ZFYVE27: variants seen among roughly 807,000 people sequenced by gnomAD.
ZFYVE27 encodes zinc finger FYVE-type containing 27.
In ZFYVE27, 36 loss-of-function variants were observed where a neutral mutation model predicts 52.8. The ratio of observed to expected loss-of-function variants is 0.68; its 90% CI spans 0.52 to 0.90. ZFYVE27 has a LOEUF of 0.90. Among genes scored for constraint, ZFYVE27 ranks in the 40% least tolerant of loss-of-function variants. The pLI is 0.00. For missense variants in ZFYVE27, 450 were observed against 527.2 expected (o/e 0.85, Z 1.43); for synonymous variants, 223 against 215.6 (o/e 1.03, Z -0.30).
Position 97,753,194 on chromosome 10 carries a change from G to T in ZFYVE27, c.1042+12G>T. The T allele has an allele frequency of 6.2e-7, 1 of 1,609,006 alleles. No homozygotes were observed. On this transcript the variant is annotated intron_variant, in intron 10 of 12. Coordinates refer to ENST00000684270, the MANE Select transcript of ZFYVE27 (RefSeq NM_001385875.1). The stretch of plus-strand genomic sequence containing the variant: ...CACCAACAACTTCGGTGCGGCCAGG[G>T]GACAGGGCTGGGCTGGTGGGGGAGT...
At chr10:97,757,107 T>C (rs938264528) in intron 10 of ZFYVE27, 158 bp from the exon 11 acceptor site, 48 of 921,508 alleles carry the variant, frequency 5.2e-5, no homozygotes, top group Non-Finnish European at 6.6e-5. Context: ...TTTGAGTCCT[T>C]CTTTCTGTCT....
At chr10:97,741,164 G>T (rs908249810) in intron 2 of ZFYVE27, among the ~76,000 whole-genome samples, 1 of 152,124 alleles carries the variant, frequency 6.6e-6, no homozygotes, top group African/African-American at 2.4e-5. Context: ...ACTGTTGGTG[G>T]CAGTGTACAT....
rs991968711 is a variant in ZFYVE27, at chr10:97,750,420, G to T, written c.754G>T (p.Gly252Trp). The T allele has an allele frequency of 6.2e-7, 1 of 1,614,098 alleles. No individual in the cohort carries two copies. The highest frequency in any genetic ancestry group is 8.5e-7 in the Non-Finnish European group (1 of 1,180,008). The change falls in exon 7 of 13, where the codon GGG (glycine) becomes TGG (tryptophan). Residue 252 changes from glycine (G) to tryptophan (W), a missense_variant. Physicochemically the swap from Gly to Trp is radical, Grantham distance 184 (BLOSUM62 -2). Transcript: ENST00000684270. ...AFESPPPPDV[G>W]GKDGLMDSTP... is the part of the protein sequence containing the mutation. Reference sequence around the variant, plus strand: ...TGAGAGTCCTCCACCACCAGATGTTGGGGGGAAGGATGGTCTGATGGACAG... The same window carrying T: ...TGAGAGTCCTCCACCACCAGATGTTTGGGGGAAGGATGGTCTGATGGACAG...
In ZFYVE27 at chr10:97,757,302, G is replaced by A. The variant is rs1001019050; in HGVS notation, c.1080G>A (p.Leu360=). The change falls in exon 11 of 13, where the codon CTG becomes CTA. Residue 360 remains leucine, a synonymous_variant. Transcript: ENST00000684270. ...GCTGCTCGGCCACCTTCTCAGTGCT[G>A]AAGAAGAGGGTGAGTGTCTGTGAGG... The part of the protein sequence containing the change: ...CTGCSATFSV[L]KKRRSCSNCG... The A allele has an allele frequency of 6.2e-7, 1 of 1,614,182 alleles. No individual in the cohort carries two copies. The highest frequency in any genetic ancestry group is 8.5e-7 in the Non-Finnish European group (1 of 1,180,028).
intron 12 of ZFYVE27, among the ~76,000 whole-genome samples, 162 bp from the exon 13 acceptor site, chr10:97,759,074 A>G (rs2049121235): frequency 6.6e-6 from 1 of 150,642 alleles, no homozygotes; most frequent in Non-Finnish European, 1.5e-5. Context: ...CCCAGTTCCC[A>G]TGGAAAGAAG....
chr10:97,752,473 C>A (rs2047240105), intron 8 of ZFYVE27, among the ~76,000 whole-genome samples: 1 of 152,142 alleles, frequency 6.6e-6, no homozygotes, highest in African/African-American at 2.4e-5. Flanking sequence ...TTGTTCATGA[C>A]CCATAGTAAG....
chr10:97,744,799 C>T lies in ZFYVE27; in HGVS notation c.339C>T (p.Cys113=). The T allele has an allele frequency of 6.2e-7, 1 of 1,613,980 alleles. No individual in the cohort carries two copies. The highest frequency in any genetic ancestry group is 8.5e-7 in the Non-Finnish European group (1 of 1,180,004). ...PALLGYLQEV[C]RARLPDSELM... is the part of the protein sequence containing the mutation. ...TGCTGGGCTACCTTCAGGAGGTTTGCCGGGCACGGCTGCCTGATTCCGAGC... is the reference window on the plus strand; with the variant it reads ...TGCTGGGCTACCTTCAGGAGGTTTGTCGGGCACGGCTGCCTGATTCCGAGC... Residue 113 remains cysteine, a synonymous_variant, in exon 4 of 13, where the codon TGC becomes TGT. Coordinates refer to ENST00000684270, the MANE Select transcript of ZFYVE27 (RefSeq NM_001385875.1).
At chr10:97,751,341 G>C in intron 7 of ZFYVE27, 50 bp from the exon 8 acceptor site, 1 of 1,602,322 alleles carries the variant, frequency 6.2e-7, no homozygotes, top group South Asian at 1.1e-5. Flanking sequence ...TCTGCCTTAG[G>C]GAGCAGCGCT....
At chr10:97,757,615 A>G in intron 11 of ZFYVE27, 27 bp from the exon 12 acceptor site, 1 of 1,612,186 alleles carries the variant, frequency 6.2e-7, no homozygotes, top group Non-Finnish European at 8.5e-7. Flanking sequence ...GGTGAGGGAC[A>G]CATCTGACCT....
At chr10:97,742,977 G>T in intron 2 of ZFYVE27, 117 bp from the exon 3 acceptor site, 1 of 1,139,424 alleles carries the variant, frequency 8.8e-7, no homozygotes, top group South Asian at 1.2e-5. Flanking sequence ...GTTTCTCCTT[G>T]ACCTTCTGTG....
At chr10:97,755,901 T>A (rs1452148568) in intron 10 of ZFYVE27, among the ~76,000 whole-genome samples, 1 of 152,100 alleles carries the variant, frequency 6.6e-6, no homozygotes, top group Non-Finnish European at 1.5e-5. Flanking sequence ...TCCAGGCTGT[T>A]GCTGAGAAGG....
In ZFYVE27 at chr10:97,744,889, C is replaced by T. The variant is rs538319565; in HGVS notation, c.429C>T (p.Pro143=). 45 of 1,596,032 alleles carry T rather than the reference C, an allele frequency of 2.8e-5. No homozygotes were observed. Among genetic ancestry groups the T allele is most frequent in the Middle Eastern group, 3.4e-4 (2 of 5,922 alleles). The stretch of plus-strand genomic sequence containing the variant: ...TGCAGAGAGGTCGCCTGTCTCGTCC[C>T]GAGGCCGTGGCTGAGGTGAAGAGCT... The part of the protein sequence containing the change: ...EDLQRGRLSR[P]EAVAEVKSFL... The change falls in exon 4 of 13, where the codon CCC becomes CCT. Residue 143 remains proline (P), a synonymous_variant. Transcript: ENST00000684270.
rs201215396 is a variant in ZFYVE27 at position 97,746,024 on chromosome 10, T to C, written c.455+1109T>C. On this transcript the variant is annotated intron_variant, in intron 4 of 12. Coordinates refer to ENST00000684270, the MANE Select transcript of ZFYVE27 (RefSeq NM_001385875.1). ...ACTTTGAAATAGTTTTATATATATATACACATATATATATATATATATATA... is the reference window on the plus strand; with the variant it reads ...ACTTTGAAATAGTTTTATATATATACACACATATATATATATATATATATA... Among the ~76,000 whole-genome samples, 10 of 135,054 alleles carry C rather than the reference T, an allele frequency of 7.4e-5. No homozygotes were observed. In the East Asian group the frequency reaches 1.6e-3, roughly 22 times the overall value. 88.6% of individuals were successfully genotyped at this position (135,054 alleles called of 152,430 possible). A position where few individuals can be genotyped will look rare whatever the true frequency, so the allele number is the denominator to read the frequency against.
At chr10:97,754,632 C>G in intron 10 of ZFYVE27, 1 of 1,281,184 alleles carries the variant, frequency 7.8e-7, no homozygotes, top group Non-Finnish European at 1.0e-6. Flanking sequence ...TTTATTTATG[C>G]TGCCTGCTGA....
intron 2 of ZFYVE27, among the ~76,000 whole-genome samples, chr10:97,742,481 T>C (rs1338022924): frequency 1.3e-5 from 2 of 152,224 alleles, no homozygotes; most frequent in African/African-American, 4.8e-5. Flanking sequence ...GTGTGATTGC[T>C]AAGTGAATGC....
intron 2 of ZFYVE27, among the ~76,000 whole-genome samples, chr10:97,740,534 G>A (rs915596165): frequency 1.2e-4 from 19 of 152,292 alleles, no homozygotes; most frequent in African/African-American, 3.8e-4. Context: ...TGTCCTGCCC[G>A]TCTCCTTTTC....
At position 97,749,587 on chromosome 10, in the gene ZFYVE27, G is replaced by A; in HGVS notation, c.664+1G>A. On this transcript the variant is annotated splice_donor_variant, in intron 6 of 12. Transcript: ENST00000684270. LOFTEE classifies it high-confidence loss of function. The stretch of plus-strand genomic sequence containing the variant: ...CTGGGGAATGTGGAGTTCTTCCGAG[G>A]TAAGCCCTGAAGGGCCTGAAAGATG... The A allele has an allele frequency of 6.2e-7, 1 of 1,613,794 alleles. No individual in the cohort carries two copies. The highest frequency in any genetic ancestry group is 1.7e-5 in the Admixed American group (1 of 60,028).
At chr10:97,754,751 A>G in intron 10 of ZFYVE27, 1 of 1,289,380 alleles carries the variant, frequency 7.8e-7, no homozygotes, top group African/African-American at 1.5e-5. Context: ...GGCAGTTCTT[A>G]AGGGTTCAGA....
intron 2 of ZFYVE27, among the ~76,000 whole-genome samples, chr10:97,739,316 G>A (rs2042964293): frequency 1.3e-5 from 2 of 151,812 alleles, no homozygotes; most frequent in African/African-American, 4.8e-5. Flanking sequence ...TGATCCTCCT[G>A]CCTCAGCCTC....
Sources: allele counts gnomAD v4.1 joint callset (sites outside exome capture counted in the v4.1 genomes callset), GRCh38; gene constraint gnomAD v4.1.1; transcripts MANE v1.5; gene names NCBI Gene and HGNC (gene_info 2026-07-23, HGNC 2026-07-21).